MECOM: variants seen among roughly 807,000 people sequenced by gnomAD.
MECOM encodes histone-lysine N-methyltransferase MECOM.
Under a neutral mutation model 116.3 loss-of-function variants are expected in MECOM, and 13 were observed. That is an observed-to-expected ratio of 0.11 (90% CI 0.07 to 0.18). The LOEUF is 0.18. MECOM is among the 10% of genes least tolerant of loss of function. The probability of loss-of-function intolerance (pLI) is 1.00; values close to 1 mark genes in which losing one functional copy is unlikely to be tolerated. For synonymous variants in MECOM, 528 were observed against 535.2 expected (o/e 0.99, Z 0.19); for missense variants, 1,299 against 1,509.0 (o/e 0.86, Z 2.31).
intron 7 of MECOM, among the ~76,000 whole-genome samples, chr3:169,118,632 G>A (rs1729957423): frequency 6.6e-6 from 1 of 152,186 alleles, no homozygotes; most frequent in African/African-American, 2.4e-5. Context: ...GTCTTGATGA[G>A]TATTCAACCA....
chr3:169,276,380 C>T (rs1045358252), intron 2 of MECOM, among the ~76,000 whole-genome samples: 18 of 151,930 alleles, frequency 1.2e-4, no homozygotes, highest in South Asian at 2.1e-4. Context: ...GGTGAAACCC[C>T]GTCTCTATTA....
In MECOM at chr3:169,147,741, A is replaced by AGT. The variant is rs555989833; in HGVS notation, c.376-3911_376-3910dup. On this transcript the variant is annotated intron_variant, in intron 2 of 16. Coordinates refer to ENST00000651503, the MANE Select transcript of MECOM (RefSeq NM_004991.4). ...GTGTGTGTGTGTGTGTGTGCGCGCGAGTGTGTGTGTGCATGTGTGTGTGTG... is the reference window on the plus strand; with the variant it reads ...GTGTGTGTGTGTGTGTGTGCGCGCGAGTGTGTGTGTGTGCATGTGTGTGTGTG... The AGT allele has an allele frequency of 2.4e-4, 224 of 917,204 alleles. 2 individuals are homozygous for AGT. The African/African-American group carries it at 4.6e-3, about 19-fold the overall frequency. The allele number at this position is 917,204 out of a possible 1,614,324, so 56.8% of individuals were successfully genotyped here. A position where few individuals can be genotyped will look rare whatever the true frequency, so the allele number is the denominator to read the frequency against.
chr3:169,155,591 C>T (rs1296901158), intron 2 of MECOM, among the ~76,000 whole-genome samples: 7 of 150,956 alleles, frequency 4.6e-5, no homozygotes, highest in African/African-American at 7.4e-5. Flanking sequence ...AGGTAAAGAG[C>T]AAAAAACAGA....
chr3:169,482,368 GTGGCCCAGGC>G (rs1172747361), intron 1 of MECOM, among the ~76,000 whole-genome samples: 1 of 125,724 alleles, frequency 8.0e-6, no homozygotes, highest in African/African-American at 3.1e-5. Flanking sequence ...GTCTCGCTCT[GTGGCCCAGGC>G]TGGAATGCAG....
chr3:169,369,670 A>G (rs1392999464), intron 2 of MECOM, among the ~76,000 whole-genome samples: 1 of 151,826 alleles, frequency 6.6e-6, no homozygotes, highest in Non-Finnish European at 1.5e-5. Flanking sequence ...ATTTCATTAT[A>G]TTCTAAGAGA....
intron 1 of MECOM, among the ~76,000 whole-genome samples, chr3:169,483,057 G>A (rs888420147): frequency 1.3e-5 from 2 of 151,964 alleles, no homozygotes; most frequent in African/African-American, 4.8e-5. Context: ...ACCTCAACTC[G>A]AATCAGTATC....
chr3:169,387,850 C>G (rs888389124), intron 1 of MECOM, among the ~76,000 whole-genome samples: 2 of 152,000 alleles, frequency 1.3e-5, no homozygotes, highest in Non-Finnish European at 2.9e-5. Flanking sequence ...AAACAACTGC[C>G]AAGAGGAGCT....
At chr3:169,369,313 G>C (rs1345761084) in intron 2 of MECOM, among the ~76,000 whole-genome samples, 1 of 148,202 alleles carries the variant, frequency 6.7e-6, no homozygotes, top group Non-Finnish European at 1.5e-5. Context: ...TGCTTCTGGA[G>C]GGTAAATGTC....
intron 2 of MECOM, among the ~76,000 whole-genome samples, chr3:169,157,139 A>G (rs1161191853): frequency 6.6e-6 from 1 of 152,224 alleles, no homozygotes; most frequent in Non-Finnish European, 1.5e-5. Context: ...TTTGTGTTCT[A>G]TTGAACGTGC....
At chr3:169,390,844 A>C (rs141229477) in intron 1 of MECOM, among the ~76,000 whole-genome samples, 80 of 152,306 alleles carry the variant, frequency 5.3e-4, no homozygotes, top group African/African-American at 1.9e-3. Context: ...GGAGGCTATA[A>C]TTCTAATATA....
At chr3:169,322,439 G>A (rs1057090444) in intron 2 of MECOM, among the ~76,000 whole-genome samples, 29 of 152,072 alleles carry the variant, frequency 1.9e-4, no homozygotes, top group African/African-American at 6.5e-4. Flanking sequence ...CTCCTTGGCA[G>A]CTCACTAGTC....
intron 2 of MECOM, among the ~76,000 whole-genome samples, chr3:169,300,614 T>C (rs541570271): frequency 1.1e-4 from 16 of 152,332 alleles, no homozygotes; most frequent in Non-Finnish European, 2.4e-4. Flanking sequence ...TTGAAGCTAG[T>C]CCTCATGTAC....
At chr3:169,452,797 A>T (rs1370805259) in intron 1 of MECOM, among the ~76,000 whole-genome samples, 1 of 152,202 alleles carries the variant, frequency 6.6e-6, no homozygotes, top group Non-Finnish European at 1.5e-5. Flanking sequence ...TATTTTCATC[A>T]TCTACTAAAA....
At chr3:169,483,762 C>T in intron 1 of MECOM, 1 of 1,609,246 alleles carries the variant, frequency 6.2e-7, no homozygotes, top group Non-Finnish European at 8.5e-7. Flanking sequence ...TACGCGCAAC[C>T]AGTCACGTAG....
intron 1 of MECOM, among the ~76,000 whole-genome samples, chr3:169,431,149 C>T (rs1024035846): frequency 8.5e-5 from 13 of 152,158 alleles, no homozygotes; most frequent in Admixed American, 8.5e-4. Flanking sequence ...AAGATTTGTC[C>T]TCTGAAAGAA....
rs191759635 is a variant in MECOM, at chr3:169,382,422, C to T, written c.38-898G>A. 1.9e-3 allele frequency among the ~76,000 whole-genome samples: 292 copies of T among 152,130 alleles called. 1 individual carries two copies. Among genetic ancestry groups the T allele is most frequent in the Admixed American group, 0.01 (160 of 15,280 alleles). On this transcript the variant is annotated intron_variant, in intron 1 of 16. Coordinates refer to ENST00000651503, the MANE Select transcript of MECOM (RefSeq NM_004991.4). Reference sequence around the variant, plus strand: ...CACTGAGCACGGAGGACCTGAGGACCCCCAAGGCAGCACGGCGCCACACTT... The same window carrying T: ...CACTGAGCACGGAGGACCTGAGGACTCCCAAGGCAGCACGGCGCCACACTT...
chr3:169,607,252 A>G (rs191368892), intron 1 of MECOM, among the ~76,000 whole-genome samples: 2 of 152,334 alleles, frequency 1.3e-5, no homozygotes, highest in Admixed American at 1.3e-4. Flanking sequence ...TCTTCCTTCT[A>G]CCACGCTATG....
At chr3:169,256,907 T>C (rs1427567062) in intron 2 of MECOM, among the ~76,000 whole-genome samples, 1 of 152,150 alleles carries the variant, frequency 6.6e-6, no homozygotes, top group African/African-American at 2.4e-5. Context: ...TCTCCTAACT[T>C]CCGAGAGGGC....
At chr3:169,508,424 CAA>C (rs1185336706) in intron 1 of MECOM, among the ~76,000 whole-genome samples, 2 of 149,852 alleles carry the variant, frequency 1.3e-5, no homozygotes, top group Non-Finnish European at 3.0e-5. Flanking sequence ...AAAAAAAAGA[CAA>C]AAGAGTTATT....
Sources: gnomAD v4.1 joint callset for allele counts (sites outside exome capture counted in the v4.1 genomes callset) on GRCh38, gnomAD v4.1.1 for gene constraint, MANE v1.5 for transcripts, NCBI Gene and HGNC (gene_info 2026-07-23, HGNC 2026-07-21) for gene names.